RBMS1: variants seen among roughly 807,000 people sequenced by gnomAD.
RBMS1 encodes RNA-binding motif, single-stranded-interacting protein 1.
Under a neutral mutation model 62.3 loss-of-function variants are expected in RBMS1, and 17 were observed. The ratio of observed to expected loss-of-function variants is 0.27; its 90% confidence interval spans 0.19 to 0.41. The LOEUF is 0.41. RBMS1 is among the 10% of genes least tolerant of loss of function. The pLI is 1.00. For synonymous variants in RBMS1, 172 were observed against 170.0 expected (o/e 1.01, Z -0.09); for missense variants, 334 against 504.5 (o/e 0.66, Z 3.24).
At chr2:160,304,493 C>T (rs4462749) in intron 4 of RBMS1, among the ~76,000 whole-genome samples, 27,226 of 152,152 alleles carry the variant, frequency 0.18, 3,256 homozygotes, top group Admixed American at 0.35. Context: ...TGTGATATTA[C>T]GCACATGAGC....
At chr2:160,468,823 T>C (rs778815675) in intron 1 of RBMS1, among the ~76,000 whole-genome samples, 1 of 152,202 alleles carries the variant, frequency 6.6e-6, no homozygotes, top group African/African-American at 2.4e-5. Flanking sequence ...AACTCTTGCA[T>C]GAAAGGAAGT....
At chr2:160,444,822 T>G (rs1325573787) in intron 1 of RBMS1, among the ~76,000 whole-genome samples, 1 of 152,078 alleles carries the variant, frequency 6.6e-6, no homozygotes, top group Non-Finnish European at 1.5e-5. Context: ...CAAACACATA[T>G]GCACTAAGGA....
intron 6 of RBMS1, among the ~76,000 whole-genome samples, chr2:160,291,712 T>G (rs565161325): frequency 9.2e-5 from 14 of 152,314 alleles, no homozygotes; most frequent in Admixed American, 7.2e-4. Flanking sequence ...GTTACAATCA[T>G]GTTACCTGAT....
intron 2 of RBMS1, among the ~76,000 whole-genome samples, chr2:160,342,680 C>T (rs945514007): frequency 5.3e-5 from 8 of 151,430 alleles, no homozygotes; most frequent in Non-Finnish European, 1.2e-4. Flanking sequence ...CTTAGGGAGG[C>T]CGAGGTGGGC....
At chr2:160,404,090 T>C (rs1247319513) in intron 1 of RBMS1, among the ~76,000 whole-genome samples, 1 of 152,196 alleles carries the variant, frequency 6.6e-6, no homozygotes, top group East Asian at 1.9e-4. Flanking sequence ...ACCATATACT[T>C]CAAAGTCACA....
At chr2:160,438,976 G>A (rs868458123) in intron 1 of RBMS1, among the ~76,000 whole-genome samples, 2 of 141,050 alleles carry the variant, frequency 1.4e-5, no homozygotes, top group African/African-American at 5.4e-5. Flanking sequence ...GGGCAGAGGC[G>A]CCCCTCACCT....
chr2:160,397,969 A>G (rs907147228), intron 1 of RBMS1, among the ~76,000 whole-genome samples: 2 of 152,118 alleles, frequency 1.3e-5, no homozygotes, highest in Non-Finnish European at 2.9e-5. Context: ...AGTCTGTCCC[A>G]TCTCTTGTCT....
intron 2 of RBMS1, among the ~76,000 whole-genome samples, chr2:160,342,475 T>C (rs190917192): frequency 2.0e-5 from 3 of 152,192 alleles, no homozygotes; most frequent in Middle Eastern, 3.4e-3. Context: ...CATCTGCTCA[T>C]GTCAAAGTCC....
At chr2:160,450,556 T>TAGAAAAAAAAAAAAAAAAAAAAAAAA (rs1349442120) in intron 1 of RBMS1, among the ~76,000 whole-genome samples, 1 of 9,562 alleles carries the variant, frequency 1.0e-4, no homozygotes, top group Non-Finnish European at 2.5e-4. Flanking sequence ...AAATAAAAAA[T>TAGAAAAAAAAAAAAAAAAAAAAAAAA]AAAAAATGAA....
chr2:160,360,988 T>G (rs959003216), intron 2 of RBMS1, among the ~76,000 whole-genome samples: 10 of 152,334 alleles, frequency 6.6e-5, no homozygotes, highest in African/African-American at 2.2e-4. Context: ...TTCAAAAATA[T>G]TTCATTTTAA....
chr2:160,292,197 A>G (rs560114435), intron 6 of RBMS1, among the ~76,000 whole-genome samples: 11 of 152,202 alleles, frequency 7.2e-5, no homozygotes, highest in Non-Finnish European at 1.5e-4. Context: ...TTAGTCTCCA[A>G]GGGTTTAAAA....
At chr2:160,439,838 C>T (rs1222152259) in intron 1 of RBMS1, among the ~76,000 whole-genome samples, 7 of 152,142 alleles carry the variant, frequency 4.6e-5, no homozygotes, top group South Asian at 2.1e-4. Context: ...GGATCACTCG[C>T]GGTTAGGAGC....
intron 1 of RBMS1, among the ~76,000 whole-genome samples, chr2:160,411,429 A>C (rs1231432505): frequency 6.6e-6 from 1 of 152,166 alleles, no homozygotes; most frequent in Non-Finnish European, 1.5e-5. Context: ...GTGGGTGAGC[A>C]TTTGGCCATG....
At chr2:160,363,441 C>G (rs965481228) in intron 2 of RBMS1, among the ~76,000 whole-genome samples, 1 of 152,144 alleles carries the variant, frequency 6.6e-6, no homozygotes, top group East Asian at 1.9e-4. Context: ...AGCGTTTGGA[C>G]CTGGCCTTGC....
At chr2:160,319,868 T>A (rs4632293) in intron 2 of RBMS1, among the ~76,000 whole-genome samples, 2 of 152,060 alleles carry the variant, frequency 1.3e-5, no homozygotes, top group East Asian at 3.9e-4. Context: ...TGTGTAATCA[T>A]GTAATCAAAT....
chr2:160,379,185 C>T (rs1694154892), intron 1 of RBMS1, among the ~76,000 whole-genome samples: 1 of 151,334 alleles, frequency 6.6e-6, no homozygotes. Context: ...CACCATTGCA[C>T]CCCAGCTTGG....
rs79832970 is a variant in RBMS1, at chr2:160,487,592, T to G, written c.75+5697A>C. ...TTTACAACAACTACCAGCTTAAATC[T>G]TTACCTAATCCAAAACACAGATATT... On this transcript the variant is annotated intron_variant, in intron 1 of 13. Transcript: ENST00000348849. Among the ~76,000 whole-genome samples, 1,401 of 152,302 alleles carry G rather than the reference T, an allele frequency of 9.2e-3. 23 individuals are homozygous for G. Among genetic ancestry groups the G allele is most frequent in the African/African-American group, 0.032 (1,316 of 41,556 alleles).
intron 2 of RBMS1, among the ~76,000 whole-genome samples, chr2:160,359,329 C>T (rs1692994426): frequency 6.6e-6 from 1 of 152,162 alleles, no homozygotes; most frequent in Non-Finnish European, 1.5e-5. Context: ...AATCTGAATA[C>T]TCCTGTGTAG....
At chr2:160,407,536 T>C in intron 1 of RBMS1, 2 of 985,856 alleles carry the variant, frequency 2.0e-6, no homozygotes, top group Non-Finnish European at 2.4e-6. Context: ...AGATCATCGC[T>C]GCGGGCGGCG....
Sources: gnomAD v4.1 joint callset for allele counts (sites outside exome capture counted in the v4.1 genomes callset) on GRCh38, gnomAD v4.1.1 for gene constraint, MANE v1.5 for transcripts, NCBI Gene and HGNC (gene_info 2026-07-23, HGNC 2026-07-21) for gene names.